Variants in SERPIND1 observed in about 807,000 individuals in gnomAD.
SERPIND1 encodes heparin cofactor 2.
Under a neutral mutation model 35.0 loss-of-function variants are expected in SERPIND1, and 34 were observed. The ratio of observed to expected loss-of-function variants is 0.97; its 90% CI spans 0.74 to 1.29. The LOEUF (loss-of-function observed/expected upper bound fraction) is 1.29. Among genes scored for constraint, SERPIND1 ranks in the 50% most tolerant of loss-of-function variants. SERPIND1 has a pLI of 0.00. For missense variants in SERPIND1, 633 were observed against 637.7 expected (o/e 0.99, Z 0.08); for synonymous variants, 236 against 241.1 (o/e 0.98, Z 0.19).
At chr22:20,782,082 G>C (rs1487954985) in intron 2 of SERPIND1, among the ~76,000 whole-genome samples, 1 of 152,188 alleles carries the variant, frequency 6.6e-6, no homozygotes, top group Non-Finnish European at 1.5e-5. Context: ...CTATGTTTAG[G>C]ACTGACTTTA....
chr22:20,779,108 T>G, intron 1 of SERPIND1, 189 bp from the exon 2 acceptor site: 3 of 1,334,556 alleles, frequency 2.2e-6, no homozygotes, highest in Non-Finnish European at 3.1e-6. Flanking sequence ...GGTTTATGAG[T>G]CCCACATCAA....
chr22:20,780,328 T>G, intron 2 of SERPIND1, 127 bp downstream of exon 2: 1 of 1,443,210 alleles, frequency 6.9e-7, no homozygotes, highest in Non-Finnish European at 9.7e-7. Context: ...CAAGATTGAC[T>G]CTGGAACGGG....
intron 4 of SERPIND1, among the ~76,000 whole-genome samples, chr22:20,786,518 G>A (rs889715987): frequency 4.6e-5 from 7 of 152,166 alleles, no homozygotes; most frequent in Admixed American, 2.6e-4. Context: ...CCAATCGGGC[G>A]CTCAGCAAAA....
At chr22:20,786,232 C>A in intron 4 of SERPIND1, 84 bp downstream of exon 4, 1 of 1,442,132 alleles carries the variant, frequency 6.9e-7, no homozygotes, top group Non-Finnish European at 9.7e-7. Context: ...TCCTACCCAC[C>A]CCCCAATCTC....
In SERPIND1 at chr22:20,779,685, C is replaced by T. The variant is rs763575491; in HGVS notation, c.373C>T (p.Arg125Cys). The T allele has an allele frequency of 3.2e-5, 51 of 1,614,042 alleles. No individual in the cohort carries two copies. The Middle Eastern group carries it at 6.6e-4, about 21-fold the overall frequency. The change falls in exon 2 of 5, where the codon CGT becomes TGT. Residue 125 changes from arginine (R) to cysteine (C), a missense_variant. Arg to Cys is a radical substitution (Grantham distance 180). Coordinates refer to ENST00000215727, the MANE Select transcript of SERPIND1 (RefSeq NM_000185.4). ...QLFHGKSRIQ[R>C]LNILNAKFAF... ...TTTTCATGGCAAGAGCCGGATCCAG[C>T]GTCTTAACATCCTCAACGCCAAGTT...
chr22:20,781,319 A>G (rs1471531834), intron 2 of SERPIND1, among the ~76,000 whole-genome samples: 6 of 152,202 alleles, frequency 3.9e-5, no homozygotes, highest in South Asian at 2.1e-4. Context: ...AACACGAGGA[A>G]TGGTTCGGCT....
Position 20,780,136 on chromosome 22 carries a change from A to G in SERPIND1, c.824A>G (p.Lys275Arg). The G allele has an allele frequency of 6.2e-7, 1 of 1,614,210 alleles. No homozygotes were observed. Among genetic ancestry groups the G allele is most frequent in the Non-Finnish European group, 8.5e-7 (1 of 1,180,018 alleles). ...HIMKLTKGLI[K>R]DALENIDPAT... is the part of the protein sequence containing the mutation. ...ATGAAGCTCACCAAGGGCCTCATAA[A>G]AGATGCTCTGGAGAATATAGACCCT... The change falls in exon 2 of 5, where the codon AAA becomes AGA. Residue 275 changes from lysine (K) to arginine (R), a missense_variant. Transcript: ENST00000215727.
rs1463356099 is a variant in SERPIND1, at chr22:20,779,744, G to A, written c.432G>A (p.Gln144=). The change falls in exon 2 of 5, where the codon CAG becomes CAA. Residue 144 remains glutamine, a synonymous_variant. Transcript: ENST00000215727. ...ACCTCTACCGAGTGCTGAAAGACCAGGTCAACACTTTCGATAACATCTTCA... is the reference window on the plus strand; with the variant it reads ...ACCTCTACCGAGTGCTGAAAGACCAAGTCAACACTTTCGATAACATCTTCA... ...AFNLYRVLKD[Q]VNTFDNIFIA... 1 of 1,614,170 alleles carries A rather than the reference G, an allele frequency of 6.2e-7. No individual in the cohort carries two copies.
At chr22:20,785,224 C>G (rs1569030536) in intron 3 of SERPIND1, among the ~76,000 whole-genome samples, 1 of 152,258 alleles carries the variant, frequency 6.6e-6, no homozygotes, top group East Asian at 1.9e-4. Flanking sequence ...CGTGCACCTT[C>G]ATGCCCAGCT....
chr22:20,787,124 C>A lies in SERPIND1; in HGVS notation c.*58C>A. On this transcript the variant is annotated 3_prime_UTR_variant, in exon 5 of 5. Transcript: ENST00000215727. ...GGGCACCCTCATTTTGTTTCCATTC[C>A]AACAACGAGAACAGAGATGTTCTGG... 2.1e-6 allele frequency: 3 copies of A among 1,443,374 alleles called. No individual in the cohort carries two copies. The highest frequency in any genetic ancestry group is 2.9e-6 in the Non-Finnish European group (3 of 1,026,416). 89.4% of individuals were successfully genotyped at this position (1,443,374 alleles called of 1,614,324 possible).
chr22:20,778,378 C>A (rs1933471171), intron 1 of SERPIND1, among the ~76,000 whole-genome samples: 1 of 152,040 alleles, frequency 6.6e-6, no homozygotes. Context: ...GTGGTGTGCA[C>A]CTGTAGTCCC....
chr22:20,780,247 A>G (rs1569024619), intron 2 of SERPIND1, 46 bp downstream of exon 2: 3 of 1,613,552 alleles, frequency 1.9e-6, no homozygotes, highest in Non-Finnish European at 2.5e-6. Flanking sequence ...ACAACATACT[A>G]TTTTTGTATG....
chr22:20,787,190 C>A lies in SERPIND1; in HGVS notation c.*124C>A. 2 of 887,936 alleles carry A rather than the reference C, an allele frequency of 2.3e-6. No homozygotes were observed. The highest frequency in any genetic ancestry group is 1.8e-6 in the Non-Finnish European group (1 of 549,868). The allele number at this position is 887,936 out of a possible 1,614,324, so 55.0% of individuals were successfully genotyped here. On this transcript the variant is annotated 3_prime_UTR_variant, in exon 5 of 5. Transcript: ENST00000215727. Reference sequence around the variant, plus strand: ...TTACGCTACCAATCTGAATTCGAGGCCCATATGAGAGGAGCTTAGAAACGA... The same window carrying A: ...TTACGCTACCAATCTGAATTCGAGGACCATATGAGAGGAGCTTAGAAACGA...
chr22:20,779,817 C>A lies in SERPIND1; in HGVS notation c.505C>A (p.Leu169Met). Reference protein sequence around the residue: ...STAMGMISLGLKGETHEQVHS... With the variant: ...STAMGMISLGMKGETHEQVHS... ...TGCGATGGGTATGATTTCCTTAGGT[C>A]TGAAGGGAGAGACCCATGAACAAGT... Residue 169 changes from leucine (L) to methionine (M), a missense_variant, in exon 2 of 5, where the codon CTG becomes ATG. Leu to Met is a conservative substitution (Grantham distance 15). Transcript: ENST00000215727. The A allele has an allele frequency of 6.2e-7, 1 of 1,614,192 alleles. No homozygotes were observed. Among genetic ancestry groups the A allele is most frequent in the African/African-American group, 1.3e-5 (1 of 75,052 alleles).
At chr22:20,774,418 A>C (rs1016651845) in intron 1 of SERPIND1, among the ~76,000 whole-genome samples, 2 of 152,256 alleles carry the variant, frequency 1.3e-5, no homozygotes, top group African/African-American at 4.8e-5. Context: ...TCCTGTGATT[A>C]TGTATGAGAA....
chr22:20,784,790 T>C (rs1016413457), intron 3 of SERPIND1, among the ~76,000 whole-genome samples: 2 of 152,194 alleles, frequency 1.3e-5, no homozygotes, highest in Non-Finnish European at 2.9e-5. Context: ...TTGAGATTAT[T>C]ATTGGGTCAT....
At position 20,779,291 on chromosome 22, in the gene SERPIND1, T is replaced by C; in HGVS notation, c.-16-6T>C. On this transcript the variant is annotated splice_region_variant and splice_polypyrimidine_tract_variant and intron_variant, in intron 1 of 4. Transcript: ENST00000215727. Reference sequence around the variant, plus strand: ...GCCTTTCACTGTGTTCTGTTTTCCCTCCCAGCTTTAGCTCCGCCAAAATGA... The same window carrying C: ...GCCTTTCACTGTGTTCTGTTTTCCCCCCCAGCTTTAGCTCCGCCAAAATGA... 1.2e-6 allele frequency: 2 copies of C among 1,613,984 alleles called. No homozygotes were observed.
intron 1 of SERPIND1, among the ~76,000 whole-genome samples, chr22:20,776,749 GATATA>G (rs1013601063): frequency 2.3e-4 from 35 of 152,270 alleles, no homozygotes; most frequent in Admixed American, 5.2e-4. Context: ...TCAGTCTCCT[GATATA>G]TAAAATGTTG....
At chr22:20,776,152 T>C (rs1199864455) in intron 1 of SERPIND1, among the ~76,000 whole-genome samples, 19 of 152,044 alleles carry the variant, frequency 1.2e-4, no homozygotes, top group Non-Finnish European at 5.9e-5. Context: ...TAAAACCCCA[T>C]CTTTACCAAA....
Sources: gnomAD v4.1 joint callset for allele counts (sites outside exome capture counted in the v4.1 genomes callset) on GRCh38, gnomAD v4.1.1 for gene constraint, MANE v1.5 for transcripts, NCBI Gene and HGNC (gene_info 2026-07-23, HGNC 2026-07-21) for gene names.